CRTC1: variants seen among roughly 807,000 people sequenced by gnomAD.
CRTC1 encodes CREB-regulated transcription coactivator 1.
CRTC1 carries 18 observed loss-of-function variants against 66.1 expected under a neutral mutation model. The ratio of observed to expected loss-of-function variants is 0.27; its 90% CI spans 0.19 to 0.40. The LOEUF (loss-of-function observed/expected upper bound fraction) is 0.40, where lower values mean the gene tolerates loss of function less well. Among genes scored for constraint, CRTC1 ranks in the 10% least tolerant of loss-of-function variants. The pLI is 1.00. For synonymous variants in CRTC1, 416 were observed against 398.8 expected (o/e 1.04, Z -0.51); for missense variants, 669 against 887.9 (o/e 0.75, Z 3.13).
chr19:18,694,847 G>C (rs1173337771), intron 1 of CRTC1, among the ~76,000 whole-genome samples: 7 of 152,056 alleles, frequency 4.6e-5, no homozygotes, highest in African/African-American at 1.7e-4. Flanking sequence ...GGGGTGGTTA[G>C]CAAGGAGAGT....
chr19:18,700,990 G>A (rs1401320375), intron 1 of CRTC1, among the ~76,000 whole-genome samples: 5 of 152,240 alleles, frequency 3.3e-5, no homozygotes, highest in Admixed American at 1.3e-4. Flanking sequence ...CGAGATTGGT[G>A]GCTGTAATTA....
chr19:18,720,970 TA>T (rs1361134041), intron 1 of CRTC1, among the ~76,000 whole-genome samples: 3 of 152,132 alleles, frequency 2.0e-5, no homozygotes, highest in Non-Finnish European at 4.4e-5. Context: ...CTTAAAACAA[TA>T]GAAATGTATT....
intron 1 of CRTC1, among the ~76,000 whole-genome samples, chr19:18,692,362 T>G (rs10419226): frequency 0.66 from 100,961 of 152,068 alleles, 35,356 homozygotes; most frequent in African/African-American, 0.9. Flanking sequence ...AGTCACAAAT[T>G]ACCACAAAGT....
At chr19:18,698,805 G>C (rs529594752) in intron 1 of CRTC1, among the ~76,000 whole-genome samples, 5 of 151,788 alleles carry the variant, frequency 3.3e-5, no homozygotes, top group African/African-American at 1.2e-4. Flanking sequence ...ACAGTGTTCA[G>C]CAGGCACACG....
At chr19:18,759,952 CG>C in intron 7 of CRTC1, 55 bp from the exon 8 acceptor site, 3 of 1,391,496 alleles carry the variant, frequency 2.2e-6, no homozygotes, top group Non-Finnish European at 2.0e-6. Context: ...CCCCTGTCCC[CG>C]CCGCCAGCCC....
intron 9 of CRTC1, 101 bp downstream of exon 9, chr19:18,765,629 A>G: frequency 8.8e-7 from 1 of 1,130,994 alleles, no homozygotes; most frequent in Non-Finnish European, 1.2e-6. Flanking sequence ...GGAGGCCACA[A>G]AACCTTGAGA....
chr19:18,743,356 C>T lies in CRTC1; in HGVS notation c.243+330C>T, dbSNP rs1335422701. 1.3e-5 allele frequency among the ~76,000 whole-genome samples: 2 copies of T among 152,382 alleles called. 1 individual carries two copies. The highest frequency in any genetic ancestry group is 4.1e-4 in the South Asian group (2 of 4,832). ...TTGGCTCTGTCCTGCCTCACTAATC[C>T]GCAAGCCCAGCAATTCTCAGAAGGA... is the stretch of plus-strand genomic sequence containing the variant. On this transcript the variant is annotated intron_variant, in intron 2 of 13. Coordinates refer to ENST00000321949, the MANE Select transcript of CRTC1 (RefSeq NM_015321.3).
intron 11 of CRTC1, among the ~76,000 whole-genome samples, chr19:18,772,892 G>C (rs541203435): frequency 6.6e-6 from 1 of 152,190 alleles, no homozygotes; most frequent in Non-Finnish European, 1.5e-5. Flanking sequence ...CTGGAGAAGC[G>C]GCAGGTGAGG....
chr19:18,713,243 C>T (rs926357869), intron 1 of CRTC1, among the ~76,000 whole-genome samples: 2 of 152,208 alleles, frequency 1.3e-5, no homozygotes, highest in Non-Finnish European at 1.5e-5. Flanking sequence ...CTGGCTGAAG[C>T]ACATTCTGCT....
chr19:18,759,955 CGCCAG>C, intron 7 of CRTC1, 48 bp from the exon 8 acceptor site: 29 of 1,409,906 alleles, frequency 2.1e-5, no homozygotes, highest in Non-Finnish European at 2.6e-5. Context: ...CTGTCCCCGC[CGCCAG>C]CCCCGCCCCA....
At chr19:18,762,022 C>G (rs1053429856) in intron 8 of CRTC1, among the ~76,000 whole-genome samples, 1 of 152,202 alleles carries the variant, frequency 6.6e-6, no homozygotes, top group African/African-American at 2.4e-5. Flanking sequence ...ATAGACAGGG[C>G]CAGGCAGGCG....
intron 10 of CRTC1, among the ~76,000 whole-genome samples, chr19:18,770,390 T>C (rs2054834895): frequency 6.6e-6 from 1 of 152,260 alleles, no homozygotes; most frequent in South Asian, 2.1e-4. Flanking sequence ...GACTGCGCCA[T>C]GCTGGGAGCC....
intron 1 of CRTC1, among the ~76,000 whole-genome samples, chr19:18,702,134 G>A (rs1302472054): frequency 3.3e-5 from 5 of 151,702 alleles, no homozygotes; most frequent in African/African-American, 1.2e-4. Flanking sequence ...TGTTGGTCAG[G>A]CTGGTCTTGA....
intron 11 of CRTC1, among the ~76,000 whole-genome samples, chr19:18,774,081 T>G (rs1359316006): frequency 6.6e-6 from 1 of 152,082 alleles, no homozygotes; most frequent in African/African-American, 2.4e-5. Flanking sequence ...TAGCCAGAGC[T>G]CCCAGCCCCC....
intron 1 of CRTC1, among the ~76,000 whole-genome samples, chr19:18,731,436 C>T (rs2053886196): frequency 6.6e-6 from 1 of 152,194 alleles, no homozygotes; most frequent in South Asian, 2.1e-4. Context: ...CATGGGGGCA[C>T]CAGTCATTGG....
At position 18,779,837 on chromosome 19, in the gene CRTC1, G is replaced by A. The variant is rs904329733; in HGVS notation, c.*2455G>A. The A allele has an allele frequency of 7.5e-5, 17 of 226,662 alleles. No individual in the cohort carries two copies. Among genetic ancestry groups the A allele is most frequent in the Non-Finnish European group, 1.3e-4 (15 of 114,086 alleles). 14.0% of individuals were successfully genotyped at this position (226,662 alleles called of 1,614,324 possible). The stretch of plus-strand genomic sequence containing the variant: ...ATAAGAACCTGGTGGACCGAGGTCC[G>A]AGCTTGCCAGGGACAGTGGGGCCCA... On this transcript the variant is annotated 3_prime_UTR_variant, in exon 14 of 14. Coordinates refer to ENST00000321949, the MANE Select transcript of CRTC1 (RefSeq NM_015321.3).
At chr19:18,698,269 A>G (rs1021385036) in intron 1 of CRTC1, among the ~76,000 whole-genome samples, 1 of 149,742 alleles carries the variant, frequency 6.7e-6, no homozygotes, top group Non-Finnish European at 1.5e-5. Context: ...TGTACTCAGC[A>G]AGTGCTTAGT....
Position 18,768,599 on chromosome 19 carries a change from G to A in CRTC1, c.1126G>A (p.Ala376Thr), listed in dbSNP as rs765726322. The change falls in exon 10 of 14, where the codon GCG (alanine) becomes ACG (threonine). Residue 376 changes from alanine to threonine, a missense_variant. By Grantham distance (58) the Ala-to-Thr change is moderately conservative. Transcript: ENST00000321949. This position sits in a 1 kb window ranked among gnomAD's most constrained non-coding sequence, Gnocchi z 5.6. The stretch of plus-strand genomic sequence containing the variant: ...CCAGCCCCCGCCGCCTCCTCCACCC[G>A]CGTCCCAGCAGCCACCACCCCCGCC... ...QPQPPPPPPP[A>T]SQQPPPPPPP... 25 of 1,449,160 alleles carry A rather than the reference G, an allele frequency of 1.7e-5. No individual in the cohort carries two copies. Among genetic ancestry groups the A allele is most frequent in the African/African-American group, 2.9e-5 (2 of 67,828 alleles). The allele number at this position is 1,449,160 out of a possible 1,614,324, so 89.8% of individuals were successfully genotyped here. A position where few individuals can be genotyped will look rare whatever the true frequency, so the allele number is the denominator to read the frequency against.
intron 1 of CRTC1, among the ~76,000 whole-genome samples, chr19:18,704,349 A>G (rs974268063): frequency 2.6e-5 from 4 of 152,134 alleles, no homozygotes; most frequent in African/African-American, 9.7e-5. Flanking sequence ...TTGGTCTCCC[A>G]AAGTGCTAGG....
Sources: gnomAD v4.1 joint callset for allele counts (sites outside exome capture counted in the v4.1 genomes callset) on GRCh38, gnomAD v4.1.1 for gene constraint, Gnocchi (gnomAD v3.1) non-coding constraint, MANE v1.5 for transcripts, NCBI Gene and HGNC (gene_info 2026-07-23, HGNC 2026-07-21) for gene names.